CSMD3: variants seen among roughly 807,000 people sequenced by gnomAD.
The protein encoded by CSMD3 is CUB and Sushi multiple domains 3.
CSMD3 carries 177 observed loss-of-function variants against 435.2 expected under a neutral mutation model. That is an observed-to-expected ratio of 0.41 (90% CI 0.36 to 0.46). The LOEUF (loss-of-function observed/expected upper bound fraction) is 0.46. Among genes scored for constraint, CSMD3 ranks in the 20% least tolerant of loss-of-function variants. The pLI, the probability that CSMD3 is intolerant of heterozygous loss-of-function variation, is 0.34. For synonymous variants in CSMD3, 1,656 were observed against 1,520.5 expected (o/e 1.09, Z -2.07); for missense variants, 4,265 against 4,504.6 (o/e 0.95, Z 1.52).
At chr8:112,651,328 G>A (rs900078950) in intron 18 of CSMD3, among the ~76,000 whole-genome samples, 1 of 152,038 alleles carries the variant, frequency 6.6e-6, no homozygotes, top group Non-Finnish European at 1.5e-5. Flanking sequence ...CAAAAATGAA[G>A]CTAAACAAAA....
intron 3 of CSMD3, among the ~76,000 whole-genome samples, chr8:113,258,158 A>G (rs1162333735): frequency 2.0e-5 from 3 of 152,238 alleles, no homozygotes; most frequent in Admixed American, 1.3e-4. Flanking sequence ...CTCTACCAAA[A>G]TAACTATTAA....
intron 14 of CSMD3, 148 bp downstream of exon 14, chr8:112,689,720 A>G: frequency 1.5e-6 from 1 of 649,000 alleles, no homozygotes; most frequent in South Asian, 2.0e-5. Context: ...AATTTGGCAT[A>G]AGCACACTTG....
intron 22 of CSMD3, among the ~76,000 whole-genome samples, chr8:112,630,957 C>T (rs887812533): frequency 6.7e-6 from 1 of 148,768 alleles, no homozygotes; most frequent in African/African-American, 2.5e-5. Flanking sequence ...CACACACACA[C>T]ACACACACAC....
intron 30 of CSMD3, among the ~76,000 whole-genome samples, chr8:112,500,728 G>A (rs562801295): frequency 7.9e-5 from 12 of 152,216 alleles, no homozygotes; most frequent in Admixed American, 2.6e-4. Context: ...TGCAGACATA[G>A]CCAAGCAAGC....
At chr8:112,972,715 CTTAT>C (rs1554733565) in intron 7 of CSMD3, among the ~76,000 whole-genome samples, 1 of 151,910 alleles carries the variant, frequency 6.6e-6, no homozygotes, top group Non-Finnish European at 1.5e-5. Context: ...ATTATAAACA[CTTAT>C]TCATTAGTTT....
intron 3 of CSMD3, among the ~76,000 whole-genome samples, chr8:113,248,822 T>A (rs2093306399): frequency 6.6e-6 from 1 of 151,932 alleles, no homozygotes; most frequent in Non-Finnish European, 1.5e-5. Flanking sequence ...GGTATGATGT[T>A]CAAGAAACTT....
intron 10 of CSMD3, among the ~76,000 whole-genome samples, chr8:112,900,041 G>C (rs1053639906): frequency 4.0e-5 from 6 of 150,994 alleles, no homozygotes; most frequent in Non-Finnish European, 7.4e-5. Context: ...CTTGCTACAA[G>C]TGGACACATT....
intron 7 of CSMD3, among the ~76,000 whole-genome samples, chr8:112,962,261 T>C (rs1340396905): frequency 6.6e-6 from 1 of 151,848 alleles, no homozygotes; most frequent in Non-Finnish European, 1.5e-5. Flanking sequence ...AATTTTATCA[T>C]AGATAATTTG....
At chr8:112,609,201 C>CAAAGAAAAAAAA (rs1833046118) in intron 22 of CSMD3, among the ~76,000 whole-genome samples, 2 of 43,106 alleles carry the variant, frequency 4.6e-5, no homozygotes, top group African/African-American at 9.5e-5. Context: ...GATACTGCCT[C>CAAAGAAAAAAAA]AAAAAAAAAA....
intron 2 of CSMD3, among the ~76,000 whole-genome samples, chr8:113,280,759 G>C (rs552424612): frequency 2.6e-5 from 4 of 151,724 alleles, no homozygotes; most frequent in Non-Finnish European, 5.9e-5. Flanking sequence ...ATGTCAGTTT[G>C]TGCTATTTCA....
At chr8:112,937,659 GT>G (rs1205711901) in intron 9 of CSMD3, among the ~76,000 whole-genome samples, 2 of 152,040 alleles carry the variant, frequency 1.3e-5, no homozygotes, top group Non-Finnish European at 2.9e-5. Context: ...CAGGTAATAT[GT>G]CTTTTAAGGT....
intron 6 of CSMD3, among the ~76,000 whole-genome samples, chr8:112,977,989 A>T (rs537897568): frequency 6.6e-6 from 1 of 152,024 alleles, no homozygotes; most frequent in East Asian, 1.9e-4. Context: ...GCAGTTTCAT[A>T]CATACATCAT....
At chr8:113,078,226 C>A (rs1405764716) in intron 5 of CSMD3, among the ~76,000 whole-genome samples, 3 of 152,160 alleles carry the variant, frequency 2.0e-5, no homozygotes, top group Non-Finnish European at 4.4e-5. Flanking sequence ...GTGTCACCTG[C>A]ACAGCTGTAC....
At chr8:112,638,569 T>C (rs2074729523) in intron 21 of CSMD3, 127 bp downstream of exon 21, 1 of 676,822 alleles carries the variant, frequency 1.5e-6, no homozygotes, top group East Asian at 2.7e-5. Flanking sequence ...TACTTTGCTT[T>C]CTTCTTTTTA....
At position 112,608,541 on chromosome 8, in the gene CSMD3, A is replaced by G. The variant is rs1026268542; in HGVS notation, c.3716-21306T>C. On this transcript the variant is annotated intron_variant, in intron 22 of 70. Coordinates refer to ENST00000297405, the MANE Select transcript of CSMD3 (RefSeq NM_198123.2). ...CCTGGTTTCAAATTATTACAAAACA[A>G]AACTTATCAAAACAATATGATACCA... Among the ~76,000 whole-genome samples, 5 of 152,044 alleles carry G rather than the reference A, an allele frequency of 3.3e-5. No homozygotes were observed. In the East Asian group the frequency reaches 9.7e-4, roughly 29 times the overall value.
At chr8:112,517,761 A>T (rs1193326425) in intron 27 of CSMD3, among the ~76,000 whole-genome samples, 1 of 152,188 alleles carries the variant, frequency 6.6e-6, no homozygotes, top group Non-Finnish European at 1.5e-5. Context: ...ATATATGATA[A>T]CAATAAATGC....
chr8:112,673,405 C>T (rs1284925811), intron 16 of CSMD3, among the ~76,000 whole-genome samples: 1 of 151,962 alleles, frequency 6.6e-6, no homozygotes, highest in Non-Finnish European at 1.5e-5. Flanking sequence ...AGATTAGAAG[C>T]AAAGCCCTGC....
In CSMD3 at chr8:112,581,422, A is replaced by G. The variant is rs554631571; in HGVS notation, c.3885+5644T>C. 1.4e-3 allele frequency among the ~76,000 whole-genome samples: 220 copies of G among 152,204 alleles called. 2 individuals are homozygous for G. In the Middle Eastern group the frequency reaches 0.027, roughly 19 times the overall value. On this transcript the variant is annotated intron_variant, in intron 23 of 70. Transcript: ENST00000297405. ...ATCTAATAATATATCACCAAATATA[A>G]CCCTAAATTTTATTAGCTATATTTG...
intron 7 of CSMD3, among the ~76,000 whole-genome samples, chr8:112,962,401 G>A (rs2084265306): frequency 6.6e-6 from 1 of 151,660 alleles, no homozygotes; most frequent in Non-Finnish European, 1.5e-5. Flanking sequence ...CTTCTAATAT[G>A]AGATTAATTA....
Sources: gnomAD v4.1 joint callset for allele counts (sites outside exome capture counted in the v4.1 genomes callset) on GRCh38, gnomAD v4.1.1 for gene constraint, MANE v1.5 for transcripts, NCBI Gene and HGNC (gene_info 2026-07-23, HGNC 2026-07-21) for gene names.